Variants in MFAP5 observed in about 807,000 individuals in gnomAD.
MFAP5 encodes microfibrillar-associated protein 5.
Under a neutral mutation model 30.1 loss-of-function variants are expected in MFAP5, and 19 were observed. That is an observed-to-expected ratio of 0.63 (90% CI 0.44 to 0.93). MFAP5 has a LOEUF of 0.93. MFAP5 is among the 40% of genes least tolerant of loss of function. The pLI is 0.00. For missense variants in MFAP5, 210 were observed against 221.3 expected (o/e 0.95, Z 0.32); for synonymous variants, 92 against 72.9 (o/e 1.26, Z -1.33).
chr12:8,650,017 G>A (rs1391953408), intron 8 of MFAP5, among the ~76,000 whole-genome samples: 15 of 152,090 alleles, frequency 9.9e-5, no homozygotes, highest in African/African-American at 3.1e-4. Flanking sequence ...ACTTATAAGC[G>A]AGAACATACA....
intron 3 of MFAP5, among the ~76,000 whole-genome samples, chr12:8,657,771 C>T (rs1265449092): frequency 6.6e-6 from 1 of 151,594 alleles, no homozygotes; most frequent in Admixed American, 6.6e-5. Context: ...AGGGTTTCAC[C>T]ATGTTGGCCA....
chr12:8,648,226 T>G, intron 9 of MFAP5, 23 bp from the exon 10 acceptor site: 1 of 1,569,524 alleles, frequency 6.4e-7, no homozygotes, highest in South Asian at 1.1e-5. Context: ...CAGAACATCA[T>G]GGGAAGAGAA....
intron 3 of MFAP5, 104 bp from the exon 4 acceptor site, chr12:8,655,934 G>A (rs1054319419): frequency 5.4e-6 from 5 of 932,178 alleles, no homozygotes; most frequent in South Asian, 2.8e-5. Flanking sequence ...GCGGAGTTGA[G>A]TATCCCACAA....
intron 3 of MFAP5, among the ~76,000 whole-genome samples, chr12:8,657,163 TA>T (rs981771543): frequency 5.3e-5 from 8 of 152,200 alleles, no homozygotes; most frequent in African/African-American, 1.2e-4. Flanking sequence ...ATATGTAAAT[TA>T]AAAAATAAAA....
chr12:8,660,845 A>G lies in MFAP5; in HGVS notation c.94+18T>C. On this transcript the variant is annotated intron_variant, in intron 3 of 9. Coordinates refer to ENST00000359478, the MANE Select transcript of MFAP5 (RefSeq NM_003480.4). ...TGATAAGAACCCCAACAGAGCCGCTATCCAAGGGTTCACCTACCTCCTCGT... is the reference window on the plus strand; with the variant it reads ...TGATAAGAACCCCAACAGAGCCGCTGTCCAAGGGTTCACCTACCTCCTCGT... 1.2e-6 allele frequency: 2 copies of G among 1,607,502 alleles called. No homozygotes were observed. The highest frequency in any genetic ancestry group is 4.5e-5 in the East Asian group (2 of 44,800).
rs1249196841 is a variant in MFAP5 at position 8,651,068 on chromosome 12, G to A, written c.248-479C>T. ...TGTAATCTCAGCTACTCGGGAGGCT[G>A]AGGCGGGAGAATCACTTCAACCTGG... On this transcript the variant is annotated intron_variant, in intron 7 of 9. Coordinates refer to ENST00000359478, the MANE Select transcript of MFAP5 (RefSeq NM_003480.4). Among the ~76,000 whole-genome samples, 6 of 152,168 alleles carry A rather than the reference G, an allele frequency of 3.9e-5. No individual in the cohort carries two copies. In the East Asian group the frequency reaches 1.2e-3, roughly 29 times the overall value.
chr12:8,648,749 T>TCTGCGAAGTTAACTA (rs1163662960), intron 9 of MFAP5, among the ~76,000 whole-genome samples: 10 of 152,200 alleles, frequency 6.6e-5, no homozygotes, highest in Non-Finnish European at 1.2e-4. Flanking sequence ...CAAGTTTCCT[T>TCTGCGAAGTTAACTA]CTGCGAAGTT....
At chr12:8,653,157 A>C (rs902470093) in intron 6 of MFAP5, among the ~76,000 whole-genome samples, 1 of 150,950 alleles carries the variant, frequency 6.6e-6, no homozygotes, top group Non-Finnish European at 1.5e-5. Flanking sequence ...GCGCTATTGC[A>C]CTCCAGCCTG....
rs1942166529 is a variant in MFAP5 at position 8,662,066 on chromosome 12, A to G, written c.39T>C (p.Ala13=). The G allele has an allele frequency of 6.2e-7, 1 of 1,613,936 alleles. No homozygotes were observed. Among genetic ancestry groups the G allele is most frequent in the Non-Finnish European group, 8.5e-7 (1 of 1,180,020 alleles). Residue 13 remains alanine (A), a synonymous_variant, in exon 2 of 10, where the codon GCT becomes GCC. Transcript: ENST00000359478. ...LLGPKVLLFL[A]AFIITSDWIP... ...ACTCACCAGAGGTGATGATGAATGC[A>G]GCAAGAAACAGCAGCACCTTGGGTC...
intron 9 of MFAP5, among the ~76,000 whole-genome samples, chr12:8,649,219 A>G (rs1190790691): frequency 1.3e-5 from 2 of 152,222 alleles, no homozygotes; most frequent in East Asian, 1.9e-4. Context: ...TCTTTAAAAT[A>G]GCCAGAGTGT....
chr12:8,655,766 C>T lies in MFAP5; in HGVS notation c.139+20G>A. On this transcript the variant is annotated intron_variant, in intron 4 of 9. Coordinates refer to ENST00000359478, the MANE Select transcript of MFAP5 (RefSeq NM_003480.4). ...CCCAATAAAACAGCAAACAAACAAA[C>T]AAACAAAAGTGTAGCTTACTAGGAT... 1 of 1,606,906 alleles carries T rather than the reference C, an allele frequency of 6.2e-7. No homozygotes were observed. The highest frequency in any genetic ancestry group is 8.5e-7 in the Non-Finnish European group (1 of 1,178,156).
rs746349917 is a variant in MFAP5 at position 8,648,133 on chromosome 12, A to G, written c.480T>C (p.Pro160=). 1 of 1,613,974 alleles carries G rather than the reference A, an allele frequency of 6.2e-7. No individual in the cohort carries two copies. The highest frequency in any genetic ancestry group is 1.7e-5 in the Admixed American group (1 of 59,992). The change falls in exon 10 of 10, where the codon CCT becomes CCC. Residue 160 remains proline, a synonymous_variant. Coordinates refer to ENST00000359478, the MANE Select transcript of MFAP5 (RefSeq NM_003480.4). ...TCTGCAAATCCACATTTTCACAGGG[A>G]GGAAGTCGGAAGTAATTGGAGCGAC... ...RLRRSNYFRL[P]PCENVDLQRP... is the part of the protein sequence containing the mutation.
intron 3 of MFAP5, among the ~76,000 whole-genome samples, chr12:8,659,878 G>T (rs1942099839): frequency 6.6e-6 from 1 of 152,128 alleles, no homozygotes; most frequent in Admixed American, 6.5e-5. Flanking sequence ...AATACCAGTT[G>T]TGACCCACTA....
chr12:8,649,036 C>G (rs1384962439), intron 9 of MFAP5, among the ~76,000 whole-genome samples: 1 of 152,224 alleles, frequency 6.6e-6, no homozygotes, highest in Non-Finnish European at 1.5e-5. Flanking sequence ...TAGCTGATTT[C>G]TAAATGTCCC....
intron 5 of MFAP5, among the ~76,000 whole-genome samples, chr12:8,654,774 C>T (rs1941937375): frequency 6.6e-5 from 10 of 151,598 alleles, no homozygotes; most frequent in Admixed American, 6.6e-4. Context: ...AGTGAAACCC[C>T]ATCTCTAGTA....
At chr12:8,660,774 T>G in intron 3 of MFAP5, 89 bp downstream of exon 3, 1 of 1,033,560 alleles carries the variant, frequency 9.7e-7, no homozygotes. Flanking sequence ...TTGGCAGCGA[T>G]AGATAAGCAG....
At chr12:8,662,021 T>C in intron 2 of MFAP5, 26 bp downstream of exon 2, 1 of 1,609,250 alleles carries the variant, frequency 6.2e-7, no homozygotes, top group Non-Finnish European at 8.5e-7. Context: ...GCTGAGGGTT[T>C]AGGGAGCAAA....
intron 7 of MFAP5, among the ~76,000 whole-genome samples, chr12:8,650,932 C>T (rs538041106): frequency 3.9e-4 from 60 of 152,192 alleles, no homozygotes; most frequent in Non-Finnish European, 7.1e-4. Context: ...TTTGCGGGGA[C>T]GAGGCGGGCA....
At chr12:8,652,201 T>G (rs938923330) in intron 6 of MFAP5, among the ~76,000 whole-genome samples, 1 of 152,084 alleles carries the variant, frequency 6.6e-6, no homozygotes, top group African/African-American at 2.4e-5. Context: ...TCCCAGCACT[T>G]TGGGAGGCCA....
Sources: allele counts gnomAD v4.1 joint callset (sites outside exome capture counted in the v4.1 genomes callset), GRCh38; gene constraint gnomAD v4.1.1; transcripts MANE v1.5; gene names NCBI Gene and HGNC (gene_info 2026-07-23, HGNC 2026-07-21).